TPST1: variants seen among roughly 807,000 people sequenced by gnomAD.
The protein encoded by TPST1 is protein-tyrosine sulfotransferase 1.
In TPST1, 20 loss-of-function variants were observed where a neutral mutation model predicts 34.8. The observed-to-expected ratio is 0.57, with a 90% CI of 0.40 to 0.84. The LOEUF (loss-of-function observed/expected upper bound fraction) is 0.84. Ranked by LOEUF, TPST1 falls within the 40% of genes least tolerant of loss-of-function variation. TPST1 has a pLI of 0.00. For synonymous variants in TPST1, 152 were observed against 159.4 expected (o/e 0.95, Z 0.35); for missense variants, 353 against 455.5 (o/e 0.78, Z 2.05).
At chr7:66,307,414 G>A (rs1025651946) in intron 3 of TPST1, among the ~76,000 whole-genome samples, 5 of 152,050 alleles carry the variant, frequency 3.3e-5, no homozygotes, top group Non-Finnish European at 2.9e-5. Flanking sequence ...CACTGCGCCC[G>A]GCCCACTTCA....
chr7:66,255,015 C>T (rs926236200), intron 2 of TPST1, among the ~76,000 whole-genome samples: 7 of 151,754 alleles, frequency 4.6e-5, no homozygotes, highest in Non-Finnish European at 8.8e-5. Flanking sequence ...GGCGTGGTGG[C>T]GGGCGCCTGT....
At chr7:66,336,325 G>A (rs1792120500) in intron 3 of TPST1, among the ~76,000 whole-genome samples, 1 of 151,076 alleles carries the variant, frequency 6.6e-6, no homozygotes, top group Non-Finnish European at 1.5e-5. Flanking sequence ...AAAAAAAAAT[G>A]TTCAGGGAAT....
intron 2 of TPST1, among the ~76,000 whole-genome samples, chr7:66,281,938 C>T (rs1227537806): frequency 1.3e-5 from 2 of 152,196 alleles, no homozygotes; most frequent in Admixed American, 6.5e-5. Flanking sequence ...GAGTTGCCGC[C>T]ACTGTGACTG....
At chr7:66,319,997 C>T (rs960663564) in intron 3 of TPST1, among the ~76,000 whole-genome samples, 5 of 152,148 alleles carry the variant, frequency 3.3e-5, no homozygotes, top group African/African-American at 9.7e-5. Context: ...AAATCGTCCC[C>T]GCTTCCTGGT....
At chr7:66,299,146 A>G (rs1562833868) in intron 3 of TPST1, among the ~76,000 whole-genome samples, 3 of 151,216 alleles carry the variant, frequency 2.0e-5, no homozygotes, top group Non-Finnish European at 4.4e-5. Context: ...AAAAATCCAG[A>G]TAGTAAATAT....
chr7:66,341,741 G>T (rs1174626188), intron 3 of TPST1, among the ~76,000 whole-genome samples: 1 of 152,112 alleles, frequency 6.6e-6, no homozygotes, highest in East Asian at 1.9e-4. Flanking sequence ...ACATAAGAGA[G>T]ACCAAAAGAA....
intron 2 of TPST1, among the ~76,000 whole-genome samples, chr7:66,252,304 C>T (rs991202314): frequency 2.7e-5 from 4 of 150,550 alleles, no homozygotes; most frequent in African/African-American, 9.8e-5. Flanking sequence ...GTGATCTACC[C>T]GCCTCGGCCT....
intron 2 of TPST1, among the ~76,000 whole-genome samples, chr7:66,259,696 C>G (rs960784630): frequency 2.0e-5 from 3 of 152,068 alleles, no homozygotes; most frequent in Non-Finnish European, 4.4e-5. Flanking sequence ...ACATGCACTG[C>G]CTCCCCCAAT....
intron 1 of TPST1, among the ~76,000 whole-genome samples, chr7:66,219,758 A>G (rs1216714732): frequency 6.6e-6 from 1 of 152,234 alleles, no homozygotes; most frequent in Non-Finnish European, 1.5e-5. Flanking sequence ...AAGCCTAATA[A>G]TGACTGGGAC....
At chr7:66,353,701 T>C (rs1178956730) in intron 4 of TPST1, among the ~76,000 whole-genome samples, 1 of 152,236 alleles carries the variant, frequency 6.6e-6, no homozygotes, top group East Asian at 1.9e-4. Context: ...AGCAAGGCGA[T>C]GATGCATGTT....
At chr7:66,215,099 G>C (rs1022463961) in intron 1 of TPST1, among the ~76,000 whole-genome samples, 1 of 148,174 alleles carries the variant, frequency 6.7e-6, no homozygotes, top group Middle Eastern at 3.6e-3. Flanking sequence ...TCTGTCACCA[G>C]GTTGGAGTGC....
At chr7:66,218,873 T>C (rs973876560) in intron 1 of TPST1, among the ~76,000 whole-genome samples, 5 of 150,372 alleles carry the variant, frequency 3.3e-5, no homozygotes, top group Admixed American at 2.7e-4. Context: ...GTTATTATAG[T>C]GTTTTATTTT....
At chr7:66,269,669 A>G (rs1009365029) in intron 2 of TPST1, among the ~76,000 whole-genome samples, 2 of 152,264 alleles carry the variant, frequency 1.3e-5, no homozygotes, top group Non-Finnish European at 2.9e-5. Flanking sequence ...TCCAGCAGTT[A>G]ACAGACAAAA....
chr7:66,242,421 G>T (rs1157090587), intron 2 of TPST1, among the ~76,000 whole-genome samples: 1 of 151,762 alleles, frequency 6.6e-6, no homozygotes, highest in African/African-American at 2.4e-5. Flanking sequence ...TTGCTGTATA[G>T]AACTTGTATA....
intron 2 of TPST1, 136 bp downstream of exon 2, chr7:66,241,406 A>G (rs1329563282): frequency 9.7e-7 from 1 of 1,026,140 alleles, no homozygotes; most frequent in Non-Finnish European, 1.3e-6. Flanking sequence ...CCTTTTCTGG[A>G]ACAGATACAG....
At position 66,235,318 on chromosome 7, in the gene TPST1, T is replaced by G. The variant is rs140354894; in HGVS notation, c.-101-5007T>G. On this transcript the variant is annotated intron_variant, in intron 1 of 5. Transcript: ENST00000304842. ...CCATTCTCCTGCATAGACATTTTAA[T>G]GCTATATTGCCACCAATTATCTTAA... 1.4e-3 allele frequency among the ~76,000 whole-genome samples: 217 copies of G among 152,122 alleles called. 2 individuals are homozygous for G. Among genetic ancestry groups the G allele is most frequent in the Admixed American group, 4.0e-3 (61 of 15,262 alleles).
intron 3 of TPST1, among the ~76,000 whole-genome samples, chr7:66,302,110 A>G (rs1281434301): frequency 6.6e-6 from 1 of 152,214 alleles, no homozygotes; most frequent in African/African-American, 2.4e-5. Context: ...TATTTTTGTT[A>G]AAGAGAGCAG....
At chr7:66,252,782 A>T (rs1790294658) in intron 2 of TPST1, among the ~76,000 whole-genome samples, 1 of 152,190 alleles carries the variant, frequency 6.6e-6, no homozygotes, top group African/African-American at 2.4e-5. Flanking sequence ...TTTGTAAAAA[A>T]ATTCTTCCAT....
chr7:66,231,777 A>G (rs958377627), intron 1 of TPST1, among the ~76,000 whole-genome samples: 1 of 152,222 alleles, frequency 6.6e-6, no homozygotes, highest in African/African-American at 2.4e-5. Context: ...CAGCCCAGAA[A>G]GGGGCTCCCA....
Sources: allele counts gnomAD v4.1 joint callset (sites outside exome capture counted in the v4.1 genomes callset), GRCh38; gene constraint gnomAD v4.1.1; transcripts MANE v1.5; gene names NCBI Gene and HGNC (gene_info 2026-07-23, HGNC 2026-07-21).